ETFA: variants seen among roughly 807,000 people sequenced by gnomAD.
ETFA encodes electron transfer flavoprotein subunit alpha.
In ETFA, 22 loss-of-function variants were observed where a neutral mutation model predicts 46.2. The observed-to-expected ratio is 0.48, with a 90% CI of 0.34 to 0.68. The LOEUF (loss-of-function observed/expected upper bound fraction) is 0.68. ETFA is among the 30% of genes least tolerant of loss of function. The pLI, the probability that ETFA is intolerant of heterozygous loss-of-function variation, is 0.01. For missense variants in ETFA, 345 were observed against 401.1 expected (o/e 0.86, Z 1.19); for synonymous variants, 131 against 139.9 (o/e 0.94, Z 0.45).
intron 9 of ETFA, among the ~76,000 whole-genome samples, chr15:76,257,512 G>A (rs2039356846): frequency 6.6e-6 from 1 of 152,166 alleles, no homozygotes; most frequent in African/African-American, 2.4e-5. Flanking sequence ...AAAAAGTCAG[G>A]AAACAACAGG....
chr15:76,291,914 A>T (rs978035496), intron 4 of ETFA, among the ~76,000 whole-genome samples: 1 of 152,074 alleles, frequency 6.6e-6, no homozygotes, highest in African/African-American at 2.4e-5. Context: ...TCCATTTTTA[A>T]CTTTATGTAG....
chr15:76,294,985 TGTAAGCTTAACTG>T (rs1400874172), intron 2 of ETFA, among the ~76,000 whole-genome samples: 1 of 152,206 alleles, frequency 6.6e-6, no homozygotes, highest in Non-Finnish European at 1.5e-5. Flanking sequence ...GCTGAAGGTG[TGTAAGCTTAACTG>T]AAGCACTCAT....
At chr15:76,252,131 T>C (rs781360046) in intron 9 of ETFA, among the ~76,000 whole-genome samples, 1 of 152,186 alleles carries the variant, frequency 6.6e-6, no homozygotes, top group Non-Finnish European at 1.5e-5. Context: ...ATCTAGCAAA[T>C]GGACAGGACC....
intron 1 of ETFA, among the ~76,000 whole-genome samples, chr15:76,310,419 A>G (rs1478765191): frequency 6.6e-6 from 1 of 150,670 alleles, no homozygotes; most frequent in East Asian, 1.9e-4. Flanking sequence ...CCATCAGGTA[A>G]GTTTCTGACC....
At chr15:76,226,755 T>TA (rs2039008479) in intron 10 of ETFA, among the ~76,000 whole-genome samples, 1 of 152,056 alleles carries the variant, frequency 6.6e-6, no homozygotes, top group African/African-American at 2.4e-5. Context: ...GGCGGGCATC[T>TA]GTAGTCCAAG....
At chr15:76,280,496 C>T (rs1041197602) in intron 8 of ETFA, among the ~76,000 whole-genome samples, 2 of 152,160 alleles carry the variant, frequency 1.3e-5, no homozygotes, top group African/African-American at 4.8e-5. Context: ...TGAGTATCTC[C>T]CACCTAGACG....
Position 76,292,506 on chromosome 15 carries a change from C to A in ETFA, c.276G>T (p.Leu92=). 1.2e-6 allele frequency: 2 copies of A among 1,612,328 alleles called. No individual in the cohort carries two copies. The highest frequency in any genetic ancestry group is 2.2e-5 in the South Asian group (2 of 91,052). Reference sequence around the variant, plus strand: ...TCTGAGTTGCCAAAATCAATGGTGTCAGTTCCTCTGAGAATTAAACACATT... The same window carrying A: ...TCTGAGTTGCCAAAATCAATGGTGTAAGTTCCTCTGAGAATTAAACACATT... ...DVYKGLLPEE[L]TPLILATQKQ... Residue 92 remains leucine, a synonymous_variant, in exon 4 of 12, where the codon CTG becomes CTT. Coordinates refer to ENST00000557943, the MANE Select transcript of ETFA (RefSeq NM_000126.4).
chr15:76,263,471 C>T (rs1458512482), intron 9 of ETFA, among the ~76,000 whole-genome samples: 1 of 152,232 alleles, frequency 6.6e-6, no homozygotes, highest in South Asian at 2.1e-4. Flanking sequence ...ACCAGGGTAA[C>T]AATGGGATGA....
chr15:76,230,884 G>A (rs560589539), intron 10 of ETFA: 2 of 167,932 alleles, frequency 1.2e-5, no homozygotes, highest in African/African-American at 4.8e-5. Flanking sequence ...GAGATTGTGA[G>A]GGTTACAGGA....
intron 8 of ETFA, among the ~76,000 whole-genome samples, chr15:76,275,675 C>T (rs889627065): frequency 1.3e-5 from 2 of 152,058 alleles, no homozygotes; most frequent in Non-Finnish European, 2.9e-5. Context: ...GTTCTTTTTT[C>T]CTATTTTTGT....
At chr15:76,286,244 A>G (rs1368816328) in intron 6 of ETFA, 127 bp downstream of exon 6, 3 of 612,070 alleles carry the variant, frequency 4.9e-6, no homozygotes, top group Non-Finnish European at 8.8e-6. Flanking sequence ...GCTTGGGAAT[A>G]TCATTTAAAT....
At chr15:76,274,056 T>A in intron 9 of ETFA, 1 of 236,556 alleles carries the variant, frequency 4.2e-6, no homozygotes, top group Non-Finnish European at 8.4e-6. Flanking sequence ...TTGTTCTCAT[T>A]GATTTTATAC....
At chr15:76,267,337 G>C (rs1157785557) in intron 9 of ETFA, among the ~76,000 whole-genome samples, 4 of 152,114 alleles carry the variant, frequency 2.6e-5, no homozygotes, top group Admixed American at 2.6e-4. Context: ...AAAGCTAATG[G>C]GATATGATCC....
chr15:76,261,561 G>A (rs1041726997), intron 9 of ETFA: 5 of 588,358 alleles, frequency 8.5e-6, no homozygotes, highest in African/African-American at 5.6e-5. Flanking sequence ...GGACTCCCAC[G>A]AGCTTCAGAC....
rs1400343293 is a variant in ETFA at position 76,292,624 on chromosome 15, A to G, written c.263T>C (p.Leu88Pro). The change falls in exon 3 of 12, where the codon CTT (leucine) becomes CCT (proline). Residue 88 changes from leucine to proline, a missense_variant. Coordinates refer to ENST00000557943, the MANE Select transcript of ETFA (RefSeq NM_000126.4). ...TTTCTACTGGAAAACCTCACCTGGA[A>G]GTAGGCCTTTGTACACATCATGCTG... is the stretch of plus-strand genomic sequence containing the variant. ...VAQHDVYKGL[L>P]PEELTPLILA... is the part of the protein sequence containing the mutation. 2 of 1,613,016 alleles carry G rather than the reference A, an allele frequency of 1.2e-6. No homozygotes were observed. The highest frequency in any genetic ancestry group is 3.3e-5 in the Admixed American group (2 of 60,022).
chr15:76,301,142 T>C (rs1365534950), intron 1 of ETFA, among the ~76,000 whole-genome samples: 3 of 152,352 alleles, frequency 2.0e-5, no homozygotes, highest in Non-Finnish European at 2.9e-5. Context: ...GAATGATGCC[T>C]GGAACATATT....
At chr15:76,263,043 C>T (rs2039432919) in intron 9 of ETFA, among the ~76,000 whole-genome samples, 1 of 152,152 alleles carries the variant, frequency 6.6e-6, no homozygotes, top group African/African-American at 2.4e-5. Flanking sequence ...TCTAGCACTC[C>T]CCTTATCTCA....
At position 76,288,917 on chromosome 15, in the gene ETFA, C is replaced by T. The variant is rs199505089; in HGVS notation, c.352-972G>A. ...GTCTCAGTTAATTCTTCTTCTTCTT[C>T]TTCTTTTTTTTTTTTTTTGGAAACA... is the stretch of plus-strand genomic sequence containing the variant. On this transcript the variant is annotated intron_variant, in intron 4 of 11. Transcript: ENST00000557943. Among the ~76,000 whole-genome samples the T allele has an allele frequency of 0.021, 297 of 14,306 alleles. 1 individual carries two copies. The East Asian group carries it at 0.23, about 11-fold the overall frequency. 9.4% of individuals were successfully genotyped at this position (14,306 alleles called of 152,430 possible).
At chr15:76,295,824 G>T (rs2141544211) in intron 1 of ETFA, 87 bp from the exon 2 acceptor site, 2 of 991,992 alleles carry the variant, frequency 2.0e-6, no homozygotes, top group African/African-American at 1.7e-5. Flanking sequence ...AAGCATGTAT[G>T]CTTTAAAGAA....
Sources: gnomAD v4.1 joint callset for allele counts (sites outside exome capture counted in the v4.1 genomes callset) on GRCh38, gnomAD v4.1.1 for gene constraint, MANE v1.5 for transcripts, NCBI Gene and HGNC (gene_info 2026-07-23, HGNC 2026-07-21) for gene names.